Variants in C12orf56 observed in about 807,000 individuals in gnomAD.
The protein encoded by C12orf56 is chromosome 12 open reading frame 56.
In C12orf56, 71 loss-of-function variants were observed where a neutral mutation model predicts 69.9. The ratio of observed to expected loss-of-function variants is 1.02; its 90% confidence interval spans 0.84 to 1.24. The LOEUF is 1.24. Among genes scored for constraint, C12orf56 ranks in the 50% most tolerant of loss-of-function variants. The probability of loss-of-function intolerance (pLI) is 0.00; values close to 1 mark genes in which losing one functional copy is unlikely to be tolerated. For missense variants in C12orf56, 732 were observed against 738.5 expected, an observed-to-expected ratio of 0.99 and a Z score of 0.10; for synonymous variants, 276 against 274.1, an observed-to-expected ratio of 1.01 and a Z score of -0.07.
chr12:64,362,517 C>A (rs1485391859), intron 1 of C12orf56, among the ~76,000 whole-genome samples: 1 of 152,036 alleles, frequency 6.6e-6, no homozygotes, highest in Non-Finnish European at 1.5e-5. Context: ...TATGGTGAAA[C>A]CCCATCTCTA....
intron 5 of C12orf56, among the ~76,000 whole-genome samples, chr12:64,309,500 TTTG>T (rs2038577941): frequency 6.8e-4 from 1 of 1,462 alleles, no homozygotes; most frequent in Non-Finnish European, 6.2e-3. Context: ...TGTTTTTTTG[TTTG>T]TTTGTTTGTT....
Position 64,274,700 on chromosome 12 carries a change from T to C in C12orf56, c.1584+201A>G, listed in dbSNP as rs533432785. On this transcript the variant is annotated intron_variant, in intron 11 of 12. Transcript: ENST00000543942. The stretch of plus-strand genomic sequence containing the variant: ...TGAAATAACGTTCCCATTTAAGATA[T>C]AATTTCAGTACCTTAAACATTCAGG... 2.0e-5 allele frequency among the ~76,000 whole-genome samples: 3 copies of C among 152,238 alleles called. No homozygotes were observed. The South Asian group carries it at 6.2e-4, about 32-fold the overall frequency.
intron 8 of C12orf56, among the ~76,000 whole-genome samples, chr12:64,280,516 C>T (rs993856364): frequency 2.0e-5 from 3 of 152,128 alleles, no homozygotes; most frequent in Middle Eastern, 3.2e-3. Context: ...CTATCAAATT[C>T]CTTCCCCTTA....
chr12:64,377,270 A>G (rs2039655224), intron 1 of C12orf56, among the ~76,000 whole-genome samples: 1 of 143,304 alleles, frequency 7.0e-6, no homozygotes, highest in Non-Finnish European at 1.5e-5. Flanking sequence ...GGCTCACTGC[A>G]ACCTCCACCT....
intron 1 of C12orf56, among the ~76,000 whole-genome samples, chr12:64,386,948 G>A (rs2039799746): frequency 6.6e-6 from 1 of 151,162 alleles, no homozygotes; most frequent in Admixed American, 6.6e-5. Context: ...GCATGGTGGT[G>A]CGTGCCTGTA....
intron 5 of C12orf56, among the ~76,000 whole-genome samples, chr12:64,308,940 G>GAAGAAGGAAAGA (rs2038563678): frequency 1.2e-5 from 1 of 80,828 alleles, no homozygotes; most frequent in Non-Finnish European, 2.5e-5. Flanking sequence ...AAGAAAGAAA[G>GAAGAAGGAAAGA]AAGAAAGAAA....
At chr12:64,287,438 G>A (rs1428371882) in intron 6 of C12orf56, among the ~76,000 whole-genome samples, 4 of 131,690 alleles carry the variant, frequency 3.0e-5, no homozygotes, top group Non-Finnish European at 4.8e-5. Flanking sequence ...ATGCTGGTGC[G>A]CTGCACCCAC....
In C12orf56 at chr12:64,318,624, G is replaced by A. The variant is rs1451374945; in HGVS notation, c.845C>T (p.Thr282Ile). The A allele has an allele frequency of 2.6e-6, 4 of 1,536,632 alleles. No homozygotes were observed. The highest frequency in any genetic ancestry group is 1.4e-5 in the African/African-American group (1 of 72,990). The change falls in exon 4 of 13, where the codon ACC becomes ATC. Residue 282 changes from threonine (T) to isoleucine (I), a missense_variant. Coordinates refer to ENST00000543942, the MANE Select transcript of C12orf56 (RefSeq NM_001170633.2). ...TTTTAAGTGCAGAAATATTGATGAG[G>A]TTGTGGAAATAACATACAAATGAAG... ...SELHLYVISTTSSIFLHLKSS... is the reference protein window; with the variant it reads ...SELHLYVISTISSIFLHLKSS...
At chr12:64,288,944 A>G (rs1185781017) in intron 6 of C12orf56, among the ~76,000 whole-genome samples, 1 of 142,998 alleles carries the variant, frequency 7.0e-6, no homozygotes, top group East Asian at 2.1e-4. Flanking sequence ...CTTGGGCAGT[A>G]TGGCCATTTT....
At chr12:64,359,262 A>G (rs1188800865) in intron 1 of C12orf56, among the ~76,000 whole-genome samples, 1 of 152,128 alleles carries the variant, frequency 6.6e-6, no homozygotes, top group African/African-American at 2.4e-5. Context: ...ATATTTCTCC[A>G]TGACTTTCCT....
intron 2 of C12orf56, among the ~76,000 whole-genome samples, chr12:64,336,728 C>A (rs1271797112): frequency 6.6e-6 from 1 of 152,168 alleles, no homozygotes; most frequent in Non-Finnish European, 1.5e-5. Flanking sequence ...CTGAGTCCAA[C>A]TTGGAATAAA....
chr12:64,343,794 A>T (rs1179185598), intron 2 of C12orf56, among the ~76,000 whole-genome samples: 2 of 152,138 alleles, frequency 1.3e-5, no homozygotes, highest in African/African-American at 2.4e-5. Context: ...GGGACACAAT[A>T]TTGTTTTTGA....
At chr12:64,319,077 C>T (rs2038734585) in intron 3 of C12orf56, 97 bp from the exon 4 acceptor site, 1 of 1,168,180 alleles carries the variant, frequency 8.6e-7, no homozygotes, top group Non-Finnish European at 1.1e-6. Context: ...AATGTTTTCT[C>T]ACAAAAGGAA....
intron 12 of C12orf56, among the ~76,000 whole-genome samples, chr12:64,270,239 T>C (rs1327572558): frequency 6.6e-6 from 1 of 150,986 alleles, no homozygotes; most frequent in Middle Eastern, 3.4e-3. Flanking sequence ...CTACTAAAAA[T>C]ACAAAAAAAA....
chr12:64,293,549 A>T (rs1386072237), intron 6 of C12orf56, among the ~76,000 whole-genome samples: 3 of 152,208 alleles, frequency 2.0e-5, no homozygotes, highest in Non-Finnish European at 4.4e-5. Context: ...TTTAAACGTA[A>T]GTTTAAATAA....
intron 1 of C12orf56, among the ~76,000 whole-genome samples, chr12:64,354,792 G>A (rs1278613035): frequency 6.9e-6 from 1 of 145,520 alleles, no homozygotes; most frequent in African/African-American, 2.5e-5. Context: ...AAAAAGAGAT[G>A]GGGTTGCCAG....
At chr12:64,331,795 T>A (rs867087398) in intron 2 of C12orf56, among the ~76,000 whole-genome samples, 1 of 152,166 alleles carries the variant, frequency 6.6e-6, no homozygotes, top group Non-Finnish European at 1.5e-5. Flanking sequence ...AACAAATTTC[T>A]GTTGTTTATA....
chr12:64,306,530 G>A (rs999882211), intron 5 of C12orf56, among the ~76,000 whole-genome samples: 4 of 150,750 alleles, frequency 2.7e-5, no homozygotes, highest in Non-Finnish European at 1.5e-5. Context: ...CACCACACCC[G>A]GTTAATTTTT....
At chr12:64,308,519 A>G (rs1159857461) in intron 5 of C12orf56, among the ~76,000 whole-genome samples, 2 of 151,904 alleles carry the variant, frequency 1.3e-5, no homozygotes, top group African/African-American at 4.8e-5. Context: ...ATTTTCAAAC[A>G]TACATCAAAA....
Sources: allele counts gnomAD v4.1 joint callset (sites outside exome capture counted in the v4.1 genomes callset), GRCh38; gene constraint gnomAD v4.1.1; transcripts MANE v1.5; gene names NCBI Gene and HGNC (gene_info 2026-07-23, HGNC 2026-07-21).